The following TEX9 variants were observed in gnomAD, a reference collection of about 807,000 sequenced individuals.
The protein encoded by TEX9 is testis-expressed protein 9.
In TEX9, 74 loss-of-function variants were observed where a neutral mutation model predicts 59.6. The observed-to-expected ratio is 1.24, with a 90% CI of 1.03 to 1.51. The LOEUF (loss-of-function observed/expected upper bound fraction) is 1.51, where lower values mean the gene tolerates loss of function less well. Among genes scored for constraint, TEX9 ranks in the 40% most tolerant of loss-of-function variants. The pLI, the probability that TEX9 is intolerant of heterozygous loss-of-function variation, is 0.00. For synonymous variants in TEX9, 186 were observed against 152.2 expected, an observed-to-expected ratio of 1.22 and a Z score of -1.64; for missense variants, 522 against 447.8, an observed-to-expected ratio of 1.17 and a Z score of -1.49.
chr15:56,443,311 C>T lies in TEX9; in HGVS notation c.*30-2360C>T, dbSNP rs547048228. 16 of 689,750 alleles carry T rather than the reference C, an allele frequency of 2.3e-5. No homozygotes were observed. In the East Asian group the frequency reaches 4.5e-4, roughly 20 times the overall value. The allele number at this position is 689,750 out of a possible 1,614,324, so 42.7% of individuals were successfully genotyped here. On this transcript the variant is annotated intron_variant, in intron 12 of 12. Coordinates refer to ENST00000352903, the Ensembl canonical transcript of TEX9. The stretch of plus-strand genomic sequence containing the variant: ...TTTCTGTCTTTTAACTGTAGTATAC[C>T]ATTTACATATAATGTAATTACCAGT...
At chr15:56,372,064 C>A (rs1482433175) in intron 2 of TEX9, among the ~76,000 whole-genome samples, 1 of 152,176 alleles carries the variant, frequency 6.6e-6, no homozygotes, top group Non-Finnish European at 1.5e-5. Flanking sequence ...ATATTTCCTC[C>A]ATTACATTTT....
chr15:56,247,169 A>C (rs2043878352), intron 1 of TEX9, among the ~76,000 whole-genome samples: 1 of 152,274 alleles, frequency 6.6e-6, no homozygotes, highest in Non-Finnish European at 1.5e-5. Context: ...CCTTTATGAA[A>C]CTGTAAACAT....
At chr15:56,437,892 G>C (rs1163320135) in intron 12 of TEX9, among the ~76,000 whole-genome samples, 1 of 152,040 alleles carries the variant, frequency 6.6e-6, no homozygotes, top group Non-Finnish European at 1.5e-5. Context: ...AAAATACCTA[G>C]GAATCCAACT....
chr15:56,355,593 C>A (rs1002074651), intron 1 of TEX9, among the ~76,000 whole-genome samples: 3 of 152,076 alleles, frequency 2.0e-5, no homozygotes, highest in Non-Finnish European at 2.9e-5. Flanking sequence ...TTTGGCTAGT[C>A]ATTCTATTGT....
intron 1 of TEX9, among the ~76,000 whole-genome samples, chr15:56,332,418 A>G (rs1272398824): frequency 6.8e-6 from 1 of 147,010 alleles, no homozygotes; most frequent in Admixed American, 6.9e-5. Flanking sequence ...GAATTGAACA[A>G]TGAGATCACA....
In TEX9 at chr15:56,427,522, A is replaced by G. The variant is rs2050358452; in HGVS notation, c.964-83A>G. 3.2e-6 allele frequency: 3 copies of G among 947,892 alleles called. No individual in the cohort carries two copies. The East Asian group carries it at 9.6e-5, about 30-fold the overall frequency. The allele number at this position is 947,892 out of a possible 1,614,324, so 58.7% of individuals were successfully genotyped here. Reference sequence around the variant, plus strand: ...ATTTCAGTTTAAGAAAGTACTTTTTATTACTGTTGTGATGATAGTCTATAA... The same window carrying G: ...ATTTCAGTTTAAGAAAGTACTTTTTGTTACTGTTGTGATGATAGTCTATAA... On this transcript the variant is annotated intron_variant, in intron 10 of 12. Coordinates refer to ENST00000352903, the Ensembl canonical transcript of TEX9.
intron 12 of TEX9, among the ~76,000 whole-genome samples, chr15:56,433,696 T>C (rs1463840313): frequency 1.3e-5 from 2 of 152,248 alleles, no homozygotes; most frequent in African/African-American, 4.8e-5. Flanking sequence ...AAAGTACAGA[T>C]CTTAATATAC....
At chr15:56,266,220 G>A (rs1204683519) in intron 1 of TEX9, among the ~76,000 whole-genome samples, 1 of 151,730 alleles carries the variant, frequency 6.6e-6, no homozygotes, top group Non-Finnish European at 1.5e-5. Flanking sequence ...TCCACTGCCT[G>A]GGTTTAAGCA....
intron 1 of TEX9, among the ~76,000 whole-genome samples, chr15:56,348,703 C>A (rs2046519314): frequency 6.6e-6 from 1 of 152,038 alleles, no homozygotes; most frequent in South Asian, 2.1e-4. Context: ...ACGACTATGG[C>A]ATGTGGGCAT....
At chr15:56,411,099 C>G (rs2049322421) in intron 9 of TEX9, among the ~76,000 whole-genome samples, 1 of 152,170 alleles carries the variant, frequency 6.6e-6, no homozygotes, top group Non-Finnish European at 1.5e-5. Flanking sequence ...GTATTTTTAA[C>G]TTCATCATTT....
At position 56,420,283 on chromosome 15, in the gene TEX9, T is replaced by C. The variant is rs557148049; in HGVS notation, c.964-7322T>C. ...TTCTTTCCCTCTCCTTACTTTTGGG[T>C]TCAATTTGTTCTTTTTCTCTTTTCT... On this transcript the variant is annotated intron_variant, in intron 10 of 12. Coordinates refer to ENST00000352903, the Ensembl canonical transcript of TEX9. Among the ~76,000 whole-genome samples the C allele has an allele frequency of 9.8e-4, 148 of 151,690 alleles. 2 individuals carry two copies. The highest frequency in any genetic ancestry group is 3.5e-3 in the African/African-American group (144 of 41,114).
At chr15:56,270,277 G>T (rs1011399660) in intron 1 of TEX9, among the ~76,000 whole-genome samples, 2 of 152,144 alleles carry the variant, frequency 1.3e-5, no homozygotes, top group Non-Finnish European at 2.9e-5. Flanking sequence ...TTCTGTGGGA[G>T]TCTAAGTCTT....
At chr15:56,303,460 A>G (rs1239881186) in intron 1 of TEX9, among the ~76,000 whole-genome samples, 1 of 152,154 alleles carries the variant, frequency 6.6e-6, no homozygotes, top group African/African-American at 2.4e-5. Context: ...CAATGAAGAA[A>G]TTAAGAGAAA....
At chr15:56,378,455 T>A (rs2047566213) in intron 3 of TEX9, among the ~76,000 whole-genome samples, 1 of 152,196 alleles carries the variant, frequency 6.6e-6, no homozygotes, top group Non-Finnish European at 1.5e-5. Context: ...GTGGGTTGTA[T>A]GTATGTGTCT....
Position 56,378,569 on chromosome 15 carries a change from C to T in TEX9, c.183+5065C>T, listed in dbSNP as rs78752947. Among the ~76,000 whole-genome samples, 819 of 151,814 alleles carry T rather than the reference C, an allele frequency of 5.4e-3. 6 individuals are homozygous for T. Among genetic ancestry groups the T allele is most frequent in the African/African-American group, 0.019 (773 of 41,384 alleles). On this transcript the variant is annotated intron_variant, in intron 3 of 12. Transcript: ENST00000352903. Reference sequence around the variant, plus strand: ...ATTTCTGCATTGTCAGTTGTAATGCCTCCTTTTTAATTTCATATTTTATTT... The same window carrying T: ...ATTTCTGCATTGTCAGTTGTAATGCTTCCTTTTTAATTTCATATTTTATTT...
intron 1 of TEX9, among the ~76,000 whole-genome samples, chr15:56,295,636 G>A (rs943362720): frequency 9.2e-5 from 14 of 152,200 alleles, no homozygotes; most frequent in Admixed American, 8.5e-4. Context: ...TAAAGGAGGC[G>A]ATATTTTATC....
chr15:56,324,338 C>T (rs894543954), intron 1 of TEX9, among the ~76,000 whole-genome samples: 1 of 151,950 alleles, frequency 6.6e-6, no homozygotes, highest in South Asian at 2.1e-4. Flanking sequence ...CAAGTCTATA[C>T]TTTAATTTAG....
intron 12 of TEX9, chr15:56,429,049 A>T (rs2050469858): frequency 1.7e-6 from 2 of 1,163,346 alleles, no homozygotes; most frequent in African/African-American, 3.2e-5. Context: ...AGTTATGCTG[A>T]CATCTAGTGG....
At chr15:56,315,458 T>C (rs1487299074) in intron 1 of TEX9, among the ~76,000 whole-genome samples, 2 of 150,056 alleles carry the variant, frequency 1.3e-5, no homozygotes, top group Non-Finnish European at 3.0e-5. Flanking sequence ...TTCTTGTCTT[T>C]AAGAATGTTG....
Sources: allele counts gnomAD v4.1 joint callset (sites outside exome capture counted in the v4.1 genomes callset), GRCh38; gene constraint gnomAD v4.1.1; transcripts MANE v1.5; gene names NCBI Gene and HGNC (gene_info 2026-07-23, HGNC 2026-07-21).